The following HCN1 variants were observed in gnomAD, a reference collection of about 807,000 sequenced individuals.
HCN1 encodes the protein hyperpolarization activated cyclic nucleotide gated potassium channel 1.
A neutral mutation model predicts 78.9 loss-of-function variants in HCN1; 13 were observed. The observed-to-expected ratio is 0.16, with a 90% confidence interval of 0.11 to 0.26. HCN1 has a LOEUF of 0.26. HCN1 is among the 10% of genes least tolerant of loss of function. HCN1 has a pLI of 1.00. For missense variants in HCN1, 810 were observed against 1,154.3 expected (o/e 0.70, Z 4.32); for synonymous variants, 552 against 455.5 (o/e 1.21, Z -2.70).
At chr5:45,265,258 T>C (rs1744834347) in intron 7 of HCN1, among the ~76,000 whole-genome samples, 1 of 152,146 alleles carries the variant, frequency 6.6e-6, no homozygotes, top group Non-Finnish European at 1.5e-5. Context: ...ACAGAAATTA[T>C]CTAGTGAAAT....
intron 1 of HCN1, among the ~76,000 whole-genome samples, chr5:45,666,989 A>C (rs1303202891): frequency 1.3e-5 from 2 of 152,052 alleles, no homozygotes; most frequent in Non-Finnish European, 2.9e-5. Context: ...TGAAATATCT[A>C]AAACTTGGCT....
At chr5:45,469,925 G>A (rs1407181838) in intron 2 of HCN1, among the ~76,000 whole-genome samples, 1 of 151,780 alleles carries the variant, frequency 6.6e-6, no homozygotes, top group Non-Finnish European at 1.5e-5. Context: ...CTTACATTGG[G>A]GCAAACTGCA....
chr5:45,304,297 GTTT>G (rs60299810), intron 5 of HCN1, among the ~76,000 whole-genome samples: 1 of 145,500 alleles, frequency 6.9e-6, no homozygotes, highest in East Asian at 2.0e-4. Context: ...ACATTTTGAT[GTTT>G]TTTTTTTTTG....
At chr5:45,559,847 A>G (rs1439627730) in intron 2 of HCN1, 2 of 152,140 alleles carry the variant, frequency 1.3e-5, no homozygotes, top group Non-Finnish European at 2.9e-5. Context: ...TATGAAAAAA[A>G]GTCAATCAAT....
intron 2 of HCN1, among the ~76,000 whole-genome samples, chr5:45,604,300 C>A (rs558126556): frequency 1.3e-5 from 2 of 151,928 alleles, no homozygotes; most frequent in African/African-American, 4.8e-5. Flanking sequence ...TAAAGTGATA[C>A]CGCCAGCAAG....
Position 45,407,383 on chromosome 5 carries a change from TAAAC to T in HCN1, c.1012-10677_1012-10674del, listed in dbSNP as rs1479413649. Among the ~76,000 whole-genome samples, 6 of 152,224 alleles carry T rather than the reference TAAAC, an allele frequency of 3.9e-5. 1 individual carries two copies. The East Asian group carries it at 1.2e-3, about 29-fold the overall frequency. ...GGTATATAATACTTGAAAATGATAA[TAAAC>T]AACTATGTCACGAGTTTATGTATTT... On this transcript the variant is annotated intron_variant, in intron 3 of 7. Coordinates refer to ENST00000303230, the MANE Select transcript of HCN1 (RefSeq NM_021072.4).
chr5:45,617,678 C>G (rs1299875642), intron 2 of HCN1, among the ~76,000 whole-genome samples: 1 of 152,010 alleles, frequency 6.6e-6, no homozygotes, highest in African/African-American at 2.4e-5. Flanking sequence ...GAGAGAAAAT[C>G]TAATTTGTAG....
At chr5:45,449,760 T>G (rs1740877593) in intron 3 of HCN1, among the ~76,000 whole-genome samples, 1 of 152,206 alleles carries the variant, frequency 6.6e-6, no homozygotes, top group Non-Finnish European at 1.5e-5. Context: ...CCCCAAAATT[T>G]TATGATTTCC....
chr5:45,638,378 T>C (rs991892294), intron 2 of HCN1, among the ~76,000 whole-genome samples: 1 of 151,996 alleles, frequency 6.6e-6, no homozygotes, highest in Non-Finnish European at 1.5e-5. Context: ...AGAAAACAGA[T>C]TGGGACAAGG....
intron 4 of HCN1, among the ~76,000 whole-genome samples, chr5:45,375,463 T>TTATATATAA (rs1286067528): frequency 5.6e-4 from 59 of 105,812 alleles, no homozygotes; most frequent in South Asian, 1.1e-3. Flanking sequence ...ATGATACATA[T>TTATATATAA]GATATATAAG....
chr5:45,323,114 C>A (rs1746155687), intron 5 of HCN1, among the ~76,000 whole-genome samples: 1 of 151,822 alleles, frequency 6.6e-6, no homozygotes, highest in Non-Finnish European at 1.5e-5. Context: ...GGTGGATATA[C>A]TTCTTCAATT....
intron 5 of HCN1, among the ~76,000 whole-genome samples, chr5:45,351,075 C>T (rs1459325580): frequency 6.6e-6 from 1 of 152,114 alleles, no homozygotes; most frequent in Non-Finnish European, 1.5e-5. Flanking sequence ...CAAGTCAATC[C>T]TAAGCCAAAA....
intron 4 of HCN1, among the ~76,000 whole-genome samples, chr5:45,376,311 TA>T (rs1289902580): frequency 4.7e-4 from 1 of 2,148 alleles, no homozygotes; most frequent in Non-Finnish European, 1.4e-3. Context: ...ATATATAAAA[TA>T]TGTTATATTA....
intron 2 of HCN1, among the ~76,000 whole-genome samples, chr5:45,465,484 C>T (rs535859380): frequency 1.3e-5 from 2 of 152,060 alleles, no homozygotes; most frequent in Admixed American, 6.6e-5. Flanking sequence ...CAGCCAGGTG[C>T]GGGGGCTCAC....
At chr5:45,385,871 TC>T (rs768606309) in intron 4 of HCN1, among the ~76,000 whole-genome samples, 4 of 152,184 alleles carry the variant, frequency 2.6e-5, no homozygotes, top group Non-Finnish European at 4.4e-5. Flanking sequence ...GAGCCTCATT[TC>T]CTCTTACAGC....
chr5:45,520,634 A>C (rs1210593103), intron 2 of HCN1, among the ~76,000 whole-genome samples: 1 of 152,002 alleles, frequency 6.6e-6, no homozygotes, highest in East Asian at 1.9e-4. Context: ...TTATTTTATT[A>C]ACTATCCAAA....
intron 2 of HCN1, among the ~76,000 whole-genome samples, chr5:45,588,798 T>C (rs1176924788): frequency 2.0e-5 from 3 of 152,168 alleles, no homozygotes; most frequent in Non-Finnish European, 4.4e-5. Flanking sequence ...GAATGTCATA[T>C]AAGCAATGAT....
At chr5:45,445,236 C>A (rs1236784241) in intron 3 of HCN1, among the ~76,000 whole-genome samples, 2 of 152,194 alleles carry the variant, frequency 1.3e-5, no homozygotes, top group African/African-American at 4.8e-5. Context: ...AGATTATATC[C>A]CGCACCTGGC....
chr5:45,549,142 T>C (rs376010744), intron 2 of HCN1, among the ~76,000 whole-genome samples: 1 of 145,066 alleles, frequency 6.9e-6, no homozygotes, highest in African/African-American at 2.6e-5. Context: ...ATTGGAAAAA[T>C]CTACTTTAAA....
Sources: allele counts gnomAD v4.1 joint callset (sites outside exome capture counted in the v4.1 genomes callset), GRCh38; gene constraint gnomAD v4.1.1; transcripts MANE v1.5; gene names NCBI Gene and HGNC (gene_info 2026-07-23, HGNC 2026-07-21).